RNF144B: variants seen among roughly 807,000 people sequenced by gnomAD.
RNF144B encodes ring finger protein 144B, also known as E3 ubiquitin-protein ligase RNF144B.
In RNF144B, 25 loss-of-function variants were observed where a neutral mutation model predicts 40.2. The observed-to-expected ratio is 0.62, with a 90% confidence interval of 0.45 to 0.87. The LOEUF is 0.87. Ranked by LOEUF, RNF144B falls within the 40% of genes least tolerant of loss-of-function variation. The pLI is 0.00. For synonymous variants in RNF144B, 145 were observed against 136.3 expected, an observed-to-expected ratio of 1.06 and a Z score of -0.44; for missense variants, 365 against 373.7, an observed-to-expected ratio of 0.98 and a Z score of 0.19.
At position 18,412,638 on chromosome 6, in the gene RNF144B, G is replaced by T. The variant is rs1305398688; in HGVS notation, c.165+12939G>T. On this transcript the variant is annotated intron_variant, in intron 2 of 7. Coordinates refer to ENST00000259939, the MANE Select transcript of RNF144B (RefSeq NM_182757.4). The surrounding 1 kb of genome is among the most constrained non-coding windows in gnomAD (Gnocchi z 4.2). ...AAAAATTTAGGCAAGTTGAAAAAGGGTGGTGAGTTAACTAGAAAATTCAGT... is the reference window on the plus strand; with the variant it reads ...AAAAATTTAGGCAAGTTGAAAAAGGTTGGTGAGTTAACTAGAAAATTCAGT... 1.3e-5 allele frequency among the ~76,000 whole-genome samples: 2 copies of T among 152,166 alleles called. No homozygotes were observed. Among genetic ancestry groups the T allele is most frequent in the African/African-American group, 4.8e-5 (2 of 41,428 alleles).
chr6:18,462,302 C>G (rs1297666054), intron 6 of RNF144B, among the ~76,000 whole-genome samples: 1 of 152,192 alleles, frequency 6.6e-6, no homozygotes, highest in Non-Finnish European at 1.5e-5. Context: ...TTCTTATTGG[C>G]AGAATCCAAT....
chr6:18,436,612 C>G (rs935357372), intron 3 of RNF144B, among the ~76,000 whole-genome samples: 4 of 152,062 alleles, frequency 2.6e-5, no homozygotes, highest in Non-Finnish European at 4.4e-5. Flanking sequence ...TTTGGAAATT[C>G]TCGGTTGGCA....
rs764802655 is a variant in RNF144B, at chr6:18,457,282, C to T, written c.459C>T (p.Cys153=). The T allele has an allele frequency of 6.2e-7, 1 of 1,614,194 alleles. No individual in the cohort carries two copies. Among genetic ancestry groups the T allele is most frequent in the Admixed American group, 1.7e-5 (1 of 60,032 alleles). The change falls in exon 5 of 8, where the codon TGC becomes TGT. Residue 153 remains cysteine, a synonymous_variant. Transcript: ENST00000259939. The surrounding 1 kb of genome is among the most constrained non-coding windows in gnomAD (Gnocchi z 5.1). The part of the protein sequence containing the change: ...VECPSCHLKF[C]SCCKDAWHAE... ...GCCCTTCTTGCCACCTGAAATTCTG[C>T]TCGTGTTGCAAGGATGCTTGGCATG...
chr6:18,443,325 C>T lies in RNF144B; in HGVS notation c.331+3581C>T, dbSNP rs1759007699. Among the ~76,000 whole-genome samples the T allele has an allele frequency of 1.3e-5, 2 of 151,986 alleles. No homozygotes were observed. The highest frequency in any genetic ancestry group is 4.1e-4 in the South Asian group (2 of 4,828). ...TTGCCCAGGCTGGATTGCAGTGGCACGAACTCTGCCCACTGCAACTTCCGC... is the reference window on the plus strand; with the variant it reads ...TTGCCCAGGCTGGATTGCAGTGGCATGAACTCTGCCCACTGCAACTTCCGC... On this transcript the variant is annotated intron_variant, in intron 4 of 7. Coordinates refer to ENST00000259939, the MANE Select transcript of RNF144B (RefSeq NM_182757.4). The surrounding 1 kb of genome is among the most constrained non-coding windows in gnomAD (Gnocchi z 4.7).
rs1759419142 is a variant in RNF144B at position 18,460,182 on chromosome 6, T to G, written c.681+431T>G. 6.6e-6 allele frequency among the ~76,000 whole-genome samples: 1 copy of G among 152,234 alleles called. No individual in the cohort carries two copies. On this transcript the variant is annotated intron_variant, in intron 6 of 7. Coordinates refer to ENST00000259939, the MANE Select transcript of RNF144B (RefSeq NM_182757.4). The surrounding 1 kb of genome is among the most constrained non-coding windows in gnomAD (Gnocchi z 4.4). ...GTGTCAGCCGGGCTGCATTTCTTTC[T>G]GGAGGCTTTAGGGGAGAATCTGTTT...
At position 18,457,088 on chromosome 6, in the gene RNF144B, A is replaced by C; in HGVS notation, c.332-67A>C. The C allele has an allele frequency of 1.7e-6, 2 of 1,202,448 alleles. No individual in the cohort carries two copies. Among genetic ancestry groups the C allele is most frequent in the Non-Finnish European group, 2.5e-6 (2 of 806,068 alleles). The allele number at this position is 1,202,448 out of a possible 1,614,324, so 74.5% of individuals were successfully genotyped here. On this transcript the variant is annotated intron_variant, in intron 4 of 7. Transcript: ENST00000259939. This position sits in a 1 kb window ranked among gnomAD's most constrained non-coding sequence, Gnocchi z 5.1. ...AATAAATTAAATAAATAAGAGGGCA[A>C]ATGAAGGTGAGAAAGACTCAAACAT...
At chr6:18,435,114 A>C (rs1261020999) in intron 3 of RNF144B, among the ~76,000 whole-genome samples, 1 of 152,202 alleles carries the variant, frequency 6.6e-6, no homozygotes, top group African/African-American at 2.4e-5. Context: ...CTTTGGAAAG[A>C]GTTTCTAGAA....
chr6:18,468,836 T>C lies in RNF144B; in HGVS notation c.*3769T>C, dbSNP rs1474757621. Reference sequence around the variant, plus strand: ...ATTTTTGGAGAAGAAAATAGCTGTTTAGGCTCTCTAGCCACAATAAATGTA... The same window carrying C: ...ATTTTTGGAGAAGAAAATAGCTGTTCAGGCTCTCTAGCCACAATAAATGTA... On this transcript the variant is annotated 3_prime_UTR_variant, in exon 8 of 8. Transcript: ENST00000259939. 2 of 152,214 alleles carry C rather than the reference T, an allele frequency of 1.3e-5. No homozygotes were observed. The highest frequency in any genetic ancestry group is 2.9e-5 in the Non-Finnish European group (2 of 68,042). The allele number at this position is 152,214 out of a possible 1,614,324, so 9.4% of individuals were successfully genotyped here.
chr6:18,421,067 C>A (rs1050571547), intron 2 of RNF144B, among the ~76,000 whole-genome samples: 5 of 151,780 alleles, frequency 3.3e-5, no homozygotes. Flanking sequence ...TCAGCCTGAG[C>A]AACATGGCGA....
rs1759404391 is a variant in RNF144B, at chr6:18,459,470, G to A, written c.537-137G>A. 1 of 753,298 alleles carries A rather than the reference G, an allele frequency of 1.3e-6. No homozygotes were observed. The highest frequency in any genetic ancestry group is 1.7e-5 in the African/African-American group (1 of 57,556). The allele number at this position is 753,298 out of a possible 1,614,324, so 46.7% of individuals were successfully genotyped here. On this transcript the variant is annotated intron_variant, in intron 5 of 7. Transcript: ENST00000259939. This position sits in a 1 kb window ranked among gnomAD's most constrained non-coding sequence, Gnocchi z 4.2. The stretch of plus-strand genomic sequence containing the variant: ...ATGAGTTATCTGTACATCTAATAAT[G>A]TTTTTGCCCACACCCTTTCTTTTGG...
intron 2 of RNF144B, among the ~76,000 whole-genome samples, chr6:18,404,183 A>G (rs914319435): frequency 6.6e-6 from 1 of 152,242 alleles, no homozygotes; most frequent in African/African-American, 2.4e-5. Context: ...ATGAAGCATG[A>G]ATCTGTGGTG....
chr6:18,415,687 G>A (rs932516635), intron 2 of RNF144B, among the ~76,000 whole-genome samples: 2 of 152,086 alleles, frequency 1.3e-5, no homozygotes, highest in African/African-American at 4.8e-5. Flanking sequence ...CCTTTGCATG[G>A]TGTAGTTTAA....
chr6:18,438,674 C>T (rs1167086102), intron 3 of RNF144B, among the ~76,000 whole-genome samples: 2 of 151,994 alleles, frequency 1.3e-5, no homozygotes, highest in African/African-American at 4.8e-5. Context: ...TTTTCTTACT[C>T]CAGTTTTCTC....
At position 18,447,974 on chromosome 6, in the gene RNF144B, T is replaced by C. The variant is rs1759118520; in HGVS notation, c.331+8230T>C. On this transcript the variant is annotated intron_variant, in intron 4 of 7. Transcript: ENST00000259939. The surrounding 1 kb of genome is among the most constrained non-coding windows in gnomAD (Gnocchi z 5.6). The stretch of plus-strand genomic sequence containing the variant: ...GAGTGTCCACTGGGTCCGAAGCTAC[T>C]GACAGATGAGGAGAGATATGGTCTG... Among the ~76,000 whole-genome samples, 1 of 152,092 alleles carries C rather than the reference T, an allele frequency of 6.6e-6. No homozygotes were observed. The highest frequency in any genetic ancestry group is 2.1e-4 in the South Asian group (1 of 4,830).
intron 1 of RNF144B, among the ~76,000 whole-genome samples, chr6:18,397,574 A>G (rs1486085676): frequency 6.6e-6 from 1 of 152,242 alleles, no homozygotes; most frequent in Non-Finnish European, 1.5e-5. Context: ...ACAATCTAGT[A>G]GAAGAACTTT....
At chr6:18,439,349 A>G (rs2079518996) in intron 3 of RNF144B, among the ~76,000 whole-genome samples, 1 of 152,210 alleles carries the variant, frequency 6.6e-6, no homozygotes. Context: ...AGAGAAAGGA[A>G]GCATCTTTAA....
At chr6:18,387,671 G>A (rs1794484447) in intron 1 of RNF144B, 41 bp downstream of exon 1, 1 of 1,282,098 alleles carries the variant, frequency 7.8e-7, no homozygotes, top group African/African-American at 1.5e-5. Context: ...GGCGTTGCAA[G>A]ACCGGAATGG....
chr6:18,399,360 C>T (rs546042138), intron 1 of RNF144B, 139 bp from the exon 2 acceptor site: 7 of 617,484 alleles, frequency 1.1e-5, no homozygotes, highest in South Asian at 4.2e-5. Context: ...CTCTCTAGCC[C>T]GTCGTTCCCA....
rs143580484 is a variant in RNF144B at position 18,448,345 on chromosome 6, G to T, written c.331+8601G>T. On this transcript the variant is annotated intron_variant, in intron 4 of 7. Coordinates refer to ENST00000259939, the MANE Select transcript of RNF144B (RefSeq NM_182757.4). This position sits in a 1 kb window ranked among gnomAD's most constrained non-coding sequence, Gnocchi z 4.0. ...CTCTATCAGGAAAGAAGGTGGAGAG[G>T]TTACGGACATGGATGCAGGCAGCCT... is the stretch of plus-strand genomic sequence containing the variant. 4.8e-3 allele frequency among the ~76,000 whole-genome samples: 734 copies of T among 152,088 alleles called. 6 individuals are homozygous for T. Among genetic ancestry groups the T allele is most frequent in the African/African-American group, 0.016 (676 of 41,480 alleles).
Sources: allele counts gnomAD v4.1 joint callset (sites outside exome capture counted in the v4.1 genomes callset), GRCh38; gene constraint gnomAD v4.1.1; non-coding constraint Gnocchi (gnomAD v3.1); transcripts MANE v1.5; gene names NCBI Gene and HGNC (gene_info 2026-07-23, HGNC 2026-07-21).